TMEM182: variants seen among roughly 807,000 people sequenced by gnomAD.
TMEM182 encodes the protein transmembrane protein 182.
TMEM182 carries 20 observed loss-of-function variants against 26.8 expected under a neutral mutation model. That is an observed-to-expected ratio of 0.75 (90% CI 0.53 to 1.09). TMEM182 has a LOEUF of 1.09. Ranked by LOEUF, TMEM182 falls within the 50% of genes least tolerant of loss-of-function variation. The probability of loss-of-function intolerance (pLI) is 0.00; values close to 1 mark genes in which losing one functional copy is unlikely to be tolerated. For missense variants in TMEM182, 277 were observed against 275.5 expected, an observed-to-expected ratio of 1.01 and a Z score of -0.04; for synonymous variants, 109 against 102.2, an observed-to-expected ratio of 1.07 and a Z score of -0.40.
intron 1 of TMEM182, among the ~76,000 whole-genome samples, chr2:102,748,264 C>A (rs192563097): frequency 1.3e-5 from 2 of 152,300 alleles, no homozygotes; most frequent in East Asian, 3.9e-4. Context: ...TCATCTGCCC[C>A]GCAATGAAAT....
intron 3 of TMEM182, among the ~76,000 whole-genome samples, chr2:102,830,845 C>T (rs539077790): frequency 2.0e-5 from 3 of 152,216 alleles, no homozygotes; most frequent in South Asian, 4.1e-4. Context: ...CTCCACCCTC[C>T]CACTACCCTT....
intron 4 of TMEM182, among the ~76,000 whole-genome samples, chr2:102,811,226 AT>A (rs1573562737): frequency 6.6e-6 from 1 of 152,016 alleles, no homozygotes; most frequent in African/African-American, 2.4e-5. Context: ...TTTGAGTTTG[AT>A]TTTTTTCTTT....
At chr2:102,800,228 A>G (rs1682062421) in intron 4 of TMEM182, among the ~76,000 whole-genome samples, 2 of 152,180 alleles carry the variant, frequency 1.3e-5, no homozygotes, top group African/African-American at 4.8e-5. Context: ...TTGTGCAAGA[A>G]TCACCACTAT....
At chr2:102,827,289 T>A (rs936414784) in intron 3 of TMEM182, among the ~76,000 whole-genome samples, 28 of 152,250 alleles carry the variant, frequency 1.8e-4, no homozygotes, top group African/African-American at 6.8e-4. Context: ...TTTGGAAGTG[T>A]CTTGCTCACA....
intron 3 of TMEM182, among the ~76,000 whole-genome samples, chr2:102,771,604 T>G (rs575732431): frequency 6.6e-6 from 1 of 152,358 alleles, no homozygotes; most frequent in South Asian, 2.1e-4. Flanking sequence ...AATCGCTTTC[T>G]GAAAACAAGA....
chr2:102,754,857 T>G (rs2732835), intron 1 of TMEM182, among the ~76,000 whole-genome samples: 73,335 of 152,078 alleles, frequency 0.48, 18,418 homozygotes, highest in African/African-American at 0.63. Context: ...ATATAAACAA[T>G]TTAATAAAAA....
chr2:102,746,600 T>TA (rs1446030415), intron 1 of TMEM182, among the ~76,000 whole-genome samples: 1 of 152,104 alleles, frequency 6.6e-6, no homozygotes, highest in Non-Finnish European at 1.5e-5. Flanking sequence ...GTTACTTATT[T>TA]TTTTTTTCTC....
At chr2:102,803,807 T>G (rs993373336) in intron 4 of TMEM182, among the ~76,000 whole-genome samples, 3 of 151,882 alleles carry the variant, frequency 2.0e-5, no homozygotes, top group African/African-American at 7.3e-5. Context: ...CAGGACGGCT[T>G]AGGAAGAACT....
At chr2:102,837,151 G>A (rs1298139110) in intron 3 of TMEM182, among the ~76,000 whole-genome samples, 1 of 152,056 alleles carries the variant, frequency 6.6e-6, no homozygotes, top group Non-Finnish European at 1.5e-5. Context: ...TTCTTCATAT[G>A]TCATAGTTAA....
intron 3 of TMEM182, among the ~76,000 whole-genome samples, chr2:102,840,570 T>C (rs1683330377): frequency 6.6e-6 from 1 of 151,994 alleles, no homozygotes; most frequent in Admixed American, 6.6e-5. Flanking sequence ...AGCATCAGGC[T>C]CATATAGAGG....
intron 4 of TMEM182, among the ~76,000 whole-genome samples, chr2:102,808,029 C>T (rs1682413154): frequency 6.6e-6 from 1 of 152,110 alleles, no homozygotes; most frequent in South Asian, 2.1e-4. Flanking sequence ...TCCTAATGGA[C>T]CCCGACAGCA....
chr2:102,839,770 C>T (rs1214198351), intron 3 of TMEM182, among the ~76,000 whole-genome samples: 1 of 152,110 alleles, frequency 6.6e-6, no homozygotes, highest in Non-Finnish European at 1.5e-5. Flanking sequence ...TTGTTATCCA[C>T]CTGATGAATT....
chr2:102,785,149 T>G (rs1681336590), intron 3 of TMEM182, among the ~76,000 whole-genome samples: 1 of 152,082 alleles, frequency 6.6e-6, no homozygotes, highest in Non-Finnish European at 1.5e-5. Context: ...TTCCTTACAT[T>G]CTCCCTCCAG....
At chr2:102,759,952 A>G (rs1372494611), upstream of TMEM182, among the ~76,000 whole-genome samples, 2 of 152,186 alleles carry the variant, frequency 1.3e-5, no homozygotes, top group Non-Finnish European at 2.9e-5. Context: ...TCCTGTAATA[A>G]GATTGGGACC....
At chr2:102,829,479 C>A (rs1031856470) in intron 3 of TMEM182, among the ~76,000 whole-genome samples, 2 of 152,168 alleles carry the variant, frequency 1.3e-5, no homozygotes, top group African/African-American at 2.4e-5. Context: ...CCATCTCTAT[C>A]CTAACAGCAA....
At chr2:102,791,874 T>A (rs1681655627) in intron 3 of TMEM182, among the ~76,000 whole-genome samples, 1 of 152,036 alleles carries the variant, frequency 6.6e-6, no homozygotes, top group Non-Finnish European at 1.5e-5. Context: ...TACAAGCTCA[T>A]ATAAAGAACA....
chr2:102,838,060 C>T (rs538578380), intron 3 of TMEM182, among the ~76,000 whole-genome samples: 1 of 152,342 alleles, frequency 6.6e-6, no homozygotes, highest in East Asian at 1.9e-4. Flanking sequence ...CGGAAGCTGG[C>T]CCTGCCCCAG....
At chr2:102,795,173 T>G (rs1195293873) in intron 3 of TMEM182, among the ~76,000 whole-genome samples, 2 of 152,226 alleles carry the variant, frequency 1.3e-5, no homozygotes, top group African/African-American at 4.8e-5. Context: ...TTTCTTTATA[T>G]TTATTTCAAG....
intron 1 of TMEM182, among the ~76,000 whole-genome samples, chr2:102,746,208 A>C (rs142550154): frequency 5.9e-5 from 9 of 152,268 alleles, no homozygotes; most frequent in African/African-American, 9.6e-5. Context: ...AGCATTTCTC[A>C]TGTGTTTATC....
Sources: gnomAD v4.1 joint callset for allele counts (sites outside exome capture counted in the v4.1 genomes callset) on GRCh38, gnomAD v4.1.1 for gene constraint, MANE v1.5 for transcripts, NCBI Gene and HGNC (gene_info 2026-07-23, HGNC 2026-07-21) for gene names.